Variants in TTC23 observed in about 807,000 individuals in gnomAD.
The protein encoded by TTC23 is tetratricopeptide repeat domain 23.
In TTC23, 58 loss-of-function variants were observed where a neutral mutation model predicts 55.1. That is an observed-to-expected ratio of 1.05 (90% CI 0.85 to 1.31). The LOEUF is 1.31. Among genes scored for constraint, TTC23 ranks in the 50% most tolerant of loss-of-function variants. The pLI is 0.00. For synonymous variants in TTC23, 203 were observed against 199.9 expected, an observed-to-expected ratio of 1.02 and a Z score of -0.13; for missense variants, 516 against 534.4, an observed-to-expected ratio of 0.97 and a Z score of 0.34.
chr15:99,216,938 CATGGCAGCACTGCT>C (rs2077517467), intron 8 of TTC23, among the ~76,000 whole-genome samples: 1 of 152,142 alleles, frequency 6.6e-6, no homozygotes, highest in Admixed American at 6.5e-5. Flanking sequence ...TAAGGATGGT[CATGGCAGCACTGCT>C]ATGGCAGCAG....
intron 12 of TTC23, among the ~76,000 whole-genome samples, chr15:99,152,990 G>T (rs1345648569): frequency 1.3e-5 from 2 of 152,124 alleles, no homozygotes; most frequent in African/African-American, 2.4e-5. Flanking sequence ...GTAGAGACAG[G>T]GTTTCGCTGT....
At chr15:99,201,965 T>C (rs917327786) in intron 8 of TTC23, among the ~76,000 whole-genome samples, 1 of 152,098 alleles carries the variant, frequency 6.6e-6, no homozygotes, top group African/African-American at 2.4e-5. Context: ...TAACTAAAAA[T>C]GGGGGTCAGC....
At chr15:99,184,876 A>G (rs925662622) in intron 9 of TTC23, among the ~76,000 whole-genome samples, 17 of 152,146 alleles carry the variant, frequency 1.1e-4, no homozygotes, top group Admixed American at 2.6e-4. Flanking sequence ...CACAATCCCC[A>G]TATGTCATGG....
chr15:99,248,997 T>A (rs919324463), intron 1 of TTC23, among the ~76,000 whole-genome samples, 174 bp downstream of exon 1: 11 of 152,150 alleles, frequency 7.2e-5, no homozygotes, highest in African/African-American at 2.4e-4. Flanking sequence ...TATCTTTTAA[T>A]AGATATATTA....
chr15:99,241,723 C>A (rs920868356), intron 2 of TTC23, among the ~76,000 whole-genome samples, 164 bp from the exon 3 acceptor site: 1 of 152,204 alleles, frequency 6.6e-6, no homozygotes, highest in South Asian at 2.1e-4. Flanking sequence ...GGCTGGAGCT[C>A]AGTTCTGAAG....
chr15:99,151,876 T>A (rs930808900), intron 12 of TTC23, among the ~76,000 whole-genome samples: 2 of 152,024 alleles, frequency 1.3e-5, no homozygotes, highest in African/African-American at 4.8e-5. Context: ...ACAAAATATC[T>A]CCACTCCAAC....
At chr15:99,233,428 A>G (rs1220514689) in intron 4 of TTC23, among the ~76,000 whole-genome samples, 1 of 152,206 alleles carries the variant, frequency 6.6e-6, no homozygotes, top group African/African-American at 2.4e-5. Context: ...GACAATACAG[A>G]TGAACAAATT....
At chr15:99,178,551 C>T (rs2073825845) in intron 9 of TTC23, among the ~76,000 whole-genome samples, 1 of 152,018 alleles carries the variant, frequency 6.6e-6, no homozygotes, top group African/African-American at 2.4e-5. Flanking sequence ...TTAGAAATTC[C>T]CCTAAAAATT....
At position 99,183,385 on chromosome 15, in the gene TTC23, G is replaced by A. The variant is rs1397662180; in HGVS notation, c.760-8230C>T. Among the ~76,000 whole-genome samples, 5 of 150,608 alleles carry A rather than the reference G, an allele frequency of 3.3e-5. No homozygotes were observed. The East Asian group carries it at 5.9e-4, about 18-fold the overall frequency. On this transcript the variant is annotated intron_variant, in intron 9 of 13. Coordinates refer to ENST00000394132, the MANE Select transcript of TTC23 (RefSeq NM_001288615.3). ...CACCCAGGCTGGAGTGCAGTGGTGC[G>A]ATCTCGACTCACTGCAACCTCCGCC...
At chr15:99,232,890 G>A (rs1746752238) in intron 4 of TTC23, among the ~76,000 whole-genome samples, 1 of 152,186 alleles carries the variant, frequency 6.6e-6, no homozygotes, top group Non-Finnish European at 1.5e-5. Context: ...TAATGTAAAT[G>A]TCTATCAACA....
intron 8 of TTC23, among the ~76,000 whole-genome samples, chr15:99,212,535 G>A (rs1326384419): frequency 6.6e-6 from 1 of 152,134 alleles, no homozygotes; most frequent in Admixed American, 6.5e-5. Context: ...CAGAGGAGAG[G>A]AAGAAGGAGA....
chr15:99,242,238 G>A (rs1483197899), intron 2 of TTC23, among the ~76,000 whole-genome samples: 9 of 151,176 alleles, frequency 6.0e-5, no homozygotes, highest in Non-Finnish European at 1.0e-4. Flanking sequence ...GTAAGCTAAC[G>A]CACTGGAAAA....
chr15:99,147,982 G>A (rs1166062829), intron 12 of TTC23, among the ~76,000 whole-genome samples: 4 of 152,086 alleles, frequency 2.6e-5, no homozygotes, highest in African/African-American at 7.2e-5. Flanking sequence ...CCCTAGGAAG[G>A]CTGTGTGTAT....
chr15:99,208,821 G>C (rs1380775689), intron 8 of TTC23, among the ~76,000 whole-genome samples: 1 of 152,148 alleles, frequency 6.6e-6, no homozygotes. Context: ...TAAAGCATCA[G>C]TCAATTTCGG....
intron 8 of TTC23, among the ~76,000 whole-genome samples, chr15:99,202,855 G>A (rs1383499206): frequency 6.6e-6 from 1 of 152,204 alleles, no homozygotes; most frequent in African/African-American, 2.4e-5. Flanking sequence ...AAAATGTCTT[G>A]AACCTTGGTT....
rs1162168284 is a variant in TTC23, at chr15:99,156,211, C to T, written c.1080G>A (p.Arg360=). 7.4e-6 allele frequency: 12 copies of T among 1,614,118 alleles called. No individual in the cohort carries two copies. The highest frequency in any genetic ancestry group is 1.0e-5 in the Non-Finnish European group (12 of 1,180,060). The part of the protein sequence containing the change: ...DFSPEVAETY[R]LLGGADLAQG... ...GCGCCAGGTCTGCTCCTCCCAGGAGCCGGTATGTCTCTGCCACCTCGGGAC... is the reference window on the plus strand; with the variant it reads ...GCGCCAGGTCTGCTCCTCCCAGGAGTCGGTATGTCTCTGCCACCTCGGGAC... The change falls in exon 12 of 14, where the codon CGG becomes CGA. Residue 360 remains arginine, a synonymous_variant. Coordinates refer to ENST00000394132, the MANE Select transcript of TTC23 (RefSeq NM_001288615.3).
At chr15:99,139,630 C>A in intron 12 of TTC23, 1 of 1,503,580 alleles carries the variant, frequency 6.7e-7, no homozygotes. Context: ...CTGTGACTAT[C>A]TGTATGCAAA....
At chr15:99,153,408 G>T (rs2070111365) in intron 12 of TTC23, among the ~76,000 whole-genome samples, 1 of 152,100 alleles carries the variant, frequency 6.6e-6, no homozygotes, top group South Asian at 2.1e-4. Context: ...TAACAAAGAG[G>T]TGTCACACGT....
chr15:99,155,150 A>G (rs1426918814), intron 12 of TTC23, among the ~76,000 whole-genome samples: 1 of 152,228 alleles, frequency 6.6e-6, no homozygotes, highest in Non-Finnish European at 1.5e-5. Flanking sequence ...CTGGGTTCAT[A>G]TATTAAAAAA....
Sources: gnomAD v4.1 joint callset for allele counts (sites outside exome capture counted in the v4.1 genomes callset) on GRCh38, gnomAD v4.1.1 for gene constraint, MANE v1.5 for transcripts, NCBI Gene and HGNC (gene_info 2026-07-23, HGNC 2026-07-21) for gene names.